Variants in TMEM178A observed in about 807,000 individuals in gnomAD.
TMEM178A encodes transmembrane protein 178A, also known as transmembrane protein 178.
Under a neutral mutation model 29.1 loss-of-function variants are expected in TMEM178A, and 12 were observed. The observed-to-expected ratio is 0.41, with a 90% CI of 0.26 to 0.67. TMEM178A has a LOEUF of 0.67. Among genes scored for constraint, TMEM178A ranks in the 30% least tolerant of loss-of-function variants. TMEM178A has a pLI of 0.29. For synonymous variants in TMEM178A, 210 were observed against 187.2 expected (o/e 1.12, Z -0.99); for missense variants, 366 against 419.1 (o/e 0.87, Z 1.11).
chr2:39,679,516 T>C (rs1670781408), intron 1 of TMEM178A, among the ~76,000 whole-genome samples: 1 of 152,152 alleles, frequency 6.6e-6, no homozygotes, highest in Non-Finnish European at 1.5e-5. Context: ...TTATGGAGAT[T>C]TTCCTCATAA....
chr2:39,669,241 G>A (rs1670306829), intron 1 of TMEM178A, among the ~76,000 whole-genome samples: 1 of 152,146 alleles, frequency 6.6e-6, no homozygotes, highest in Non-Finnish European at 1.5e-5. Context: ...GACCTAGAGG[G>A]CAAAGCTAGG....
intron 1 of TMEM178A, among the ~76,000 whole-genome samples, chr2:39,691,056 A>G (rs1671298228): frequency 6.6e-6 from 1 of 152,196 alleles, no homozygotes; most frequent in Admixed American, 6.5e-5. Flanking sequence ...CAAACAAAAG[A>G]ATGAAAAAGT....
chr2:39,691,542 A>G (rs559145212), intron 1 of TMEM178A, among the ~76,000 whole-genome samples: 110 of 152,360 alleles, frequency 7.2e-4, no homozygotes, highest in Non-Finnish European at 1.4e-3. Flanking sequence ...TAGTGGGAAT[A>G]TAAATTGGTA....
At chr2:39,730,375 C>T in the TMEM178A span, among the ~76,000 whole-genome samples, 1 of 152,238 alleles carries the variant, frequency 6.6e-6, no homozygotes, top group African/African-American at 2.4e-5. Context: ...TGGTGGTTTT[C>T]CCCTTGCCTC....
intron 1 of TMEM178A, among the ~76,000 whole-genome samples, chr2:39,668,576 A>T (rs553419764): frequency 3.3e-5 from 5 of 152,216 alleles, no homozygotes; most frequent in Non-Finnish European, 7.3e-5. Context: ...TCTAGTTCAC[A>T]TATCTGTCAT....
chr2:39,725,483 AT>A, the TMEM178A span, among the ~76,000 whole-genome samples: 2 of 152,240 alleles, frequency 1.3e-5, no homozygotes, highest in East Asian at 1.9e-4. Context: ...GGGAAAGACA[AT>A]TTGTTCTTGT....
chr2:39,696,357 G>A (rs1339112658), intron 1 of TMEM178A, among the ~76,000 whole-genome samples: 5 of 152,204 alleles, frequency 3.3e-5, no homozygotes, highest in Admixed American at 6.5e-5. Flanking sequence ...GACTCCTGGT[G>A]TGTGGCAGTG....
the TMEM178A span, among the ~76,000 whole-genome samples, chr2:39,724,064 C>T: frequency 6.6e-6 from 1 of 152,174 alleles, no homozygotes; most frequent in Non-Finnish European, 1.5e-5. Flanking sequence ...CCTTACGTGA[C>T]TGACCTTCAA....
intron 3 of TMEM178A, among the ~76,000 whole-genome samples, chr2:39,716,454 T>G (rs971115416): frequency 1.3e-5 from 2 of 152,224 alleles, no homozygotes; most frequent in Non-Finnish European, 2.9e-5. Flanking sequence ...TCATATGGTA[T>G]ATGTAAGACT....
chr2:39,683,044 T>C (rs990131800), intron 1 of TMEM178A, among the ~76,000 whole-genome samples: 3 of 152,244 alleles, frequency 2.0e-5, no homozygotes, highest in Non-Finnish European at 2.9e-5. Context: ...GCAGAACTTC[T>C]AGTTAATTGT....
At chr2:39,672,725 T>C (rs969198917) in intron 1 of TMEM178A, among the ~76,000 whole-genome samples, 6 of 151,654 alleles carry the variant, frequency 4.0e-5, no homozygotes, top group Admixed American at 3.3e-4. Context: ...TTTGTAGAGA[T>C]GGGGTCTTGC....
the TMEM178A span, among the ~76,000 whole-genome samples, chr2:39,726,137 CAG>C: frequency 6.6e-6 from 1 of 152,130 alleles, no homozygotes; most frequent in Non-Finnish European, 1.5e-5. Context: ...GTGTCTGTCT[CAG>C]AGAGACAGAC....
At chr2:39,677,164 C>T (rs1279232918) in intron 1 of TMEM178A, among the ~76,000 whole-genome samples, 1 of 152,044 alleles carries the variant, frequency 6.6e-6, no homozygotes, top group Non-Finnish European at 1.5e-5. Context: ...GTCCCCATTC[C>T]CCCACCCCTG....
intron 3 of TMEM178A, among the ~76,000 whole-genome samples, chr2:39,712,857 A>G (rs1293376090): frequency 1.3e-5 from 2 of 152,240 alleles, no homozygotes; most frequent in South Asian, 2.1e-4. Flanking sequence ...TAATCCTTCC[A>G]TACTCCTTTC....
At chr2:39,691,429 A>C (rs942524151) in intron 1 of TMEM178A, among the ~76,000 whole-genome samples, 3 of 152,348 alleles carry the variant, frequency 2.0e-5, no homozygotes, top group South Asian at 2.1e-4. Flanking sequence ...AACACCTGGC[A>C]ACTAAGAATA....
chr2:39,709,117 C>A (rs376433875), intron 3 of TMEM178A, among the ~76,000 whole-genome samples: 2 of 152,248 alleles, frequency 1.3e-5, no homozygotes, highest in African/African-American at 2.4e-5. Context: ...CAGGAGGCAG[C>A]CACACCCCAC....
intron 1 of TMEM178A, among the ~76,000 whole-genome samples, chr2:39,695,135 T>A (rs527864255): frequency 6.6e-6 from 1 of 152,326 alleles, no homozygotes; most frequent in South Asian, 2.1e-4. Flanking sequence ...CCCTGTCCTA[T>A]GACTGCATGA....
intron 1 of TMEM178A, among the ~76,000 whole-genome samples, chr2:39,666,698 G>T (rs939231217): frequency 2.6e-5 from 4 of 152,102 alleles, no homozygotes; most frequent in African/African-American, 9.7e-5. Context: ...GTCCTTCTCT[G>T]CCTTTGTACA....
At chr2:39,711,481 C>T (rs982010285) in intron 3 of TMEM178A, among the ~76,000 whole-genome samples, 19 of 152,148 alleles carry the variant, frequency 1.2e-4, no homozygotes, top group African/African-American at 4.3e-4. Context: ...TTCACCTTCA[C>T]AGGCTGTGCC....
Sources: allele counts gnomAD v4.1 joint callset (sites outside exome capture counted in the v4.1 genomes callset), GRCh38; gene constraint gnomAD v4.1.1; transcripts MANE v1.5; gene names NCBI Gene and HGNC (gene_info 2026-07-23, HGNC 2026-07-21).